Variants in OGDH observed in about 807,000 individuals in gnomAD.
OGDH encodes the protein oxoglutarate dehydrogenase.
In OGDH, 38 loss-of-function variants were observed where a neutral mutation model predicts 116.6. That is an observed-to-expected ratio of 0.33 (90% CI 0.25 to 0.43). The LOEUF (loss-of-function observed/expected upper bound fraction) is 0.43, where lower values mean the gene tolerates loss of function less well. OGDH is among the 20% of genes least tolerant of loss of function. The pLI, the probability that OGDH is intolerant of heterozygous loss-of-function variation, is 1.00. For synonymous variants in OGDH, 488 were observed against 533.3 expected, an observed-to-expected ratio of 0.92 and a Z score of 1.17; for missense variants, 825 against 1,357.2, an observed-to-expected ratio of 0.61 and a Z score of 6.16.
rs186037281 is a variant in OGDH at position 44,608,703 on chromosome 7, A to G, written c.-28+2050A>G. Reference sequence around the variant, plus strand: ...GCCACGGCACTACAGCCTGAGCGACAGAGCAAGACTCCATCTCAAAAAAAA... The same window carrying G: ...GCCACGGCACTACAGCCTGAGCGACGGAGCAAGACTCCATCTCAAAAAAAA... On this transcript the variant is annotated intron_variant, in intron 1 of 22. Transcript: ENST00000222673. 1.4e-4 allele frequency among the ~76,000 whole-genome samples: 21 copies of G among 152,268 alleles called. No homozygotes were observed. The East Asian group carries it at 3.9e-3, about 28-fold the overall frequency.
At position 44,708,106 on chromosome 7, in the gene OGDH, T is replaced by C; in HGVS notation, c.*107T>C. ...AGCGCTGCCCACACCACCGCCCTCC[T>C]CGCTGTGCCACCACCCCTCCCTCTG... On this transcript the variant is annotated 3_prime_UTR_variant, in exon 23 of 23. Transcript: ENST00000222673. 7.0e-7 allele frequency: 1 copy of C among 1,425,120 alleles called. No homozygotes were observed. The highest frequency in any genetic ancestry group is 9.5e-7 in the Non-Finnish European group (1 of 1,057,562). 88.3% of individuals were successfully genotyped at this position (1,425,120 alleles called of 1,614,324 possible).
chr7:44,625,042 A>G (rs530314950), intron 2 of OGDH, among the ~76,000 whole-genome samples: 14 of 152,218 alleles, frequency 9.2e-5, no homozygotes, highest in African/African-American at 3.1e-4. Flanking sequence ...TCTCTGTATT[A>G]CATATAAGGG....
chr7:44,703,151 C>T (rs745704034), intron 20 of OGDH, among the ~76,000 whole-genome samples: 5 of 152,074 alleles, frequency 3.3e-5, no homozygotes, highest in Non-Finnish European at 5.9e-5. Flanking sequence ...CATGGTGGCT[C>T]ATGCCTATAA....
At chr7:44,702,700 C>G (rs1213476092) in intron 20 of OGDH, among the ~76,000 whole-genome samples, 1 of 152,190 alleles carries the variant, frequency 6.6e-6, no homozygotes, top group Non-Finnish European at 1.5e-5. Flanking sequence ...TCACGCCATT[C>G]TCCCACCTCA....
In OGDH at chr7:44,707,952, C is replaced by T. The variant is rs911976656; in HGVS notation, c.3025C>T (p.Leu1009Phe). 2 of 1,613,798 alleles carry T rather than the reference C, an allele frequency of 1.2e-6. No homozygotes were observed. Among genetic ancestry groups the T allele is most frequent in the East Asian group, 4.5e-5 (2 of 44,900 alleles). The change falls in exon 23 of 23, where the codon CTC becomes TTC. Residue 1009 changes from leucine to phenylalanine, a missense_variant. Physicochemically the swap from Leu to Phe is conservative, Grantham distance 22. Coordinates refer to ENST00000222673, the MANE Select transcript of OGDH (RefSeq NM_002541.4). This position sits in a 1 kb window ranked among gnomAD's most constrained non-coding sequence, Gnocchi z 5.2. ...GACCCACCTGACGGAGCTGCAGCGC[C>T]TCCTGGACACGGCCTTCGACCTGGA... The part of the protein sequence containing the change: ...KKTHLTELQR[L>F]LDTAFDLDVF...
intron 2 of OGDH, among the ~76,000 whole-genome samples, chr7:44,633,665 G>A (rs865806396): frequency 1.3e-5 from 2 of 152,132 alleles, no homozygotes; most frequent in African/African-American, 4.8e-5. Flanking sequence ...TCTTTGAGTG[G>A]TCAGTCACGT....
intron 4 of OGDH, among the ~76,000 whole-genome samples, chr7:44,656,537 AAGT>A (rs1350719535): frequency 4.6e-5 from 7 of 152,210 alleles, no homozygotes; most frequent in African/African-American, 1.7e-4. Flanking sequence ...ATTAACCAAT[AAGT>A]AGAGCTACTT....
chr7:44,676,398 A>G, intron 9 of OGDH: 1 of 750,040 alleles, frequency 1.3e-6, no homozygotes, highest in Non-Finnish European at 2.0e-6. Context: ...TCTACTAAAA[A>G]TACAAAATTA....
Position 44,694,404 on chromosome 7 carries a change from CCT to C in OGDH, c.1516-16_1516-15del, listed in dbSNP as rs1190031293. 1 of 1,612,888 alleles carries C rather than the reference CCT, an allele frequency of 6.2e-7. No individual in the cohort carries two copies. Among genetic ancestry groups the C allele is most frequent in the African/African-American group, 1.3e-5 (1 of 75,004 alleles). Reference sequence around the variant, plus strand: ...AGGGGCCAGCCCTTGTCTCTGACATCCTCTCACTGCTCTGAGCAGGTGTGTTA... The same window carrying C: ...AGGGGCCAGCCCTTGTCTCTGACATCCTCACTGCTCTGAGCAGGTGTGTTA... On this transcript the variant is annotated intron_variant, in intron 11 of 22. Coordinates refer to ENST00000222673, the MANE Select transcript of OGDH (RefSeq NM_002541.4). The surrounding 1 kb of genome is among the most constrained non-coding windows in gnomAD (Gnocchi z 4.2).
At chr7:44,662,391 T>G (rs1383752141) in intron 4 of OGDH, among the ~76,000 whole-genome samples, 1 of 152,138 alleles carries the variant, frequency 6.6e-6, no homozygotes. Flanking sequence ...AGATTCTGGT[T>G]AGACATAATC....
chr7:44,683,685 T>C (rs929466037), intron 10 of OGDH, among the ~76,000 whole-genome samples: 2 of 152,218 alleles, frequency 1.3e-5, no homozygotes, highest in African/African-American at 4.8e-5. Flanking sequence ...TAAAATAATT[T>C]TAATAGAAAT....
chr7:44,610,177 C>T (rs762550865), intron 1 of OGDH, among the ~76,000 whole-genome samples: 18 of 151,896 alleles, frequency 1.2e-4, no homozygotes, highest in African/African-American at 4.1e-4. Flanking sequence ...TTAGATTGTT[C>T]GGTTTTTGTT....
chr7:44,659,622 G>A (rs1786848347), intron 4 of OGDH, among the ~76,000 whole-genome samples: 1 of 152,158 alleles, frequency 6.6e-6, no homozygotes, highest in Admixed American at 6.5e-5. Context: ...ATGGTAGTTT[G>A]TGTTCTTCTA....
At chr7:44,692,309 T>G (rs932286283) in intron 10 of OGDH, among the ~76,000 whole-genome samples, 2 of 152,206 alleles carry the variant, frequency 1.3e-5, no homozygotes, top group Admixed American at 1.3e-4. Context: ...CTGTGTCTGG[T>G]TAAGTTTCAC....
intron 1 of OGDH, among the ~76,000 whole-genome samples, chr7:44,620,052 GCT>G (rs1784949617): frequency 1.3e-5 from 2 of 151,946 alleles, no homozygotes; most frequent in African/African-American, 4.8e-5. Context: ...ACAGAGTCTC[GCT>G]CTGTCACTCA....
intron 2 of OGDH, among the ~76,000 whole-genome samples, chr7:44,644,073 C>T (rs942588626): frequency 2.0e-5 from 3 of 152,128 alleles, no homozygotes; most frequent in East Asian, 1.9e-4. Context: ...AGCCTGGTGG[C>T]GTGCTCCTGT....
chr7:44,666,698 C>T (rs1019040191), intron 4 of OGDH, 38 bp from the exon 5 acceptor site: 4 of 1,278,236 alleles, frequency 3.1e-6, no homozygotes, highest in East Asian at 5.1e-5. Flanking sequence ...TGCCCCATCC[C>T]TCCTCATCTG....
intron 4 of OGDH, among the ~76,000 whole-genome samples, chr7:44,663,540 G>A (rs962809912): frequency 2.6e-5 from 4 of 152,160 alleles, no homozygotes; most frequent in South Asian, 2.1e-4. Context: ...AGACTGAGGC[G>A]GGCAGATCAT....
chr7:44,653,855 T>C (rs1055388745), intron 4 of OGDH, among the ~76,000 whole-genome samples: 7 of 151,248 alleles, frequency 4.6e-5, no homozygotes, highest in African/African-American at 1.7e-4. Context: ...TTATTTTTAT[T>C]TTATTTTATT....
Sources: allele counts gnomAD v4.1 joint callset (sites outside exome capture counted in the v4.1 genomes callset), GRCh38; gene constraint gnomAD v4.1.1; non-coding constraint Gnocchi (gnomAD v3.1); transcripts MANE v1.5; gene names NCBI Gene and HGNC (gene_info 2026-07-23, HGNC 2026-07-21).